The following CLEC16A variants were observed in gnomAD, a reference collection of about 807,000 sequenced individuals.
CLEC16A encodes C-type lectin domain containing 16A, also known as protein CLEC16A.
In CLEC16A, 51 loss-of-function variants were observed where a neutral mutation model predicts 109.5. The ratio of observed to expected loss-of-function variants is 0.47; its 90% CI spans 0.37 to 0.59. The LOEUF (loss-of-function observed/expected upper bound fraction) is 0.59, where lower values mean the gene tolerates loss of function less well. Among genes scored for constraint, CLEC16A ranks in the 20% least tolerant of loss-of-function variants. CLEC16A has a pLI of 0.00. For missense variants in CLEC16A, 1,339 were observed against 1,394.0 expected (o/e 0.96, Z 0.63); for synonymous variants, 673 against 564.2 (o/e 1.19, Z -2.73).
chr16:10,989,431 C>T (rs577648258), intron 10 of CLEC16A, among the ~76,000 whole-genome samples: 7 of 151,970 alleles, frequency 4.6e-5, no homozygotes, highest in African/African-American at 9.7e-5. Flanking sequence ...GATGGGGTTT[C>T]GCCGTGTTAC....
intron 19 of CLEC16A, among the ~76,000 whole-genome samples, chr16:11,109,351 G>C (rs900132265): frequency 1.1e-4 from 16 of 152,056 alleles, no homozygotes; most frequent in Non-Finnish European, 1.9e-4. Context: ...ACGAGGTCTT[G>C]CTATGTTGCC....
chr16:11,016,954 T>G lies in CLEC16A; in HGVS notation c.1304-3239T>G, dbSNP rs1043527934. On this transcript the variant is annotated intron_variant, in intron 11 of 23. Transcript: ENST00000409790. The stretch of plus-strand genomic sequence containing the variant: ...ATCAGATGGGAGGGAAGGGGGATGG[T>G]GAGAGTGAACCTCACATAGGGCCGG... Among the ~76,000 whole-genome samples the G allele has an allele frequency of 8.0e-4, 90 of 112,658 alleles. 2 individuals carry two copies. The highest frequency in any genetic ancestry group is 2.4e-4 in the Non-Finnish European group (14 of 59,284). 73.9% of individuals were successfully genotyped at this position (112,658 alleles called of 152,430 possible).
chr16:11,060,809 TAG>T (rs1159953291), intron 18 of CLEC16A, 91 bp from the exon 19 acceptor site: 1 of 1,276,926 alleles, frequency 7.8e-7, no homozygotes. Flanking sequence ...TCTTTTTTAA[TAG>T]AGAGTCATGG....
intron 10 of CLEC16A, among the ~76,000 whole-genome samples, chr16:10,988,210 G>A (rs1255362892): frequency 2.6e-5 from 4 of 152,192 alleles, no homozygotes; most frequent in African/African-American, 9.6e-5. Flanking sequence ...TTACTTGTAG[G>A]TACTTTTTTT....
chr16:11,162,038 G>A (rs569050532), intron 22 of CLEC16A, among the ~76,000 whole-genome samples: 1 of 152,308 alleles, frequency 6.6e-6, no homozygotes, highest in Admixed American at 6.5e-5. Context: ...CAAACCTGGG[G>A]TTCTGACTCC....
intron 10 of CLEC16A, among the ~76,000 whole-genome samples, chr16:10,987,806 G>C (rs893676927): frequency 1.7e-4 from 26 of 152,194 alleles, no homozygotes; most frequent in African/African-American, 6.3e-4. Flanking sequence ...CTTGTTTTAA[G>C]TTTCTTGGTC....
chr16:11,076,839 T>A (rs1442001244), intron 19 of CLEC16A, among the ~76,000 whole-genome samples: 2 of 151,686 alleles, frequency 1.3e-5, no homozygotes, highest in African/African-American at 2.4e-5. Flanking sequence ...CAATGCACAC[T>A]CTCCAGCCCA....
Position 10,986,220 on chromosome 16 carries a change from CGG to C in CLEC16A, c.1071+3232_1071+3233del, listed in dbSNP as rs555982226. On this transcript the variant is annotated intron_variant, in intron 10 of 23. Transcript: ENST00000409790. ...TCATTTTTTGTATTTTTAGTAGAGACGGGGTTTCACTATGTTAGCCAGGATGG... is the reference window on the plus strand; with the variant it reads ...TCATTTTTTGTATTTTTAGTAGAGACGGTTTCACTATGTTAGCCAGGATGG... Among the ~76,000 whole-genome samples the C allele has an allele frequency of 1.9e-3, 287 of 151,328 alleles. 1 individual carries two copies. Among genetic ancestry groups the C allele is most frequent in the African/African-American group, 6.7e-3 (274 of 41,144 alleles).
At chr16:11,062,090 A>T (rs181796264) in intron 19 of CLEC16A, among the ~76,000 whole-genome samples, 2 of 152,124 alleles carry the variant, frequency 1.3e-5, no homozygotes, top group African/African-American at 4.8e-5. Context: ...GGTCAGAGGA[A>T]TGTGACTCAC....
intron 22 of CLEC16A, among the ~76,000 whole-genome samples, chr16:11,134,182 A>ATTT (rs34036131): frequency 8.1e-6 from 1 of 124,030 alleles, no homozygotes; most frequent in Admixed American, 8.4e-5. Flanking sequence ...CCCTTTTCTG[A>ATTT]TTTTTTTTTT....
chr16:10,983,602 C>T (rs1371322068), intron 10 of CLEC16A, among the ~76,000 whole-genome samples: 1 of 152,144 alleles, frequency 6.6e-6, no homozygotes. Flanking sequence ...TTTGGCGTTC[C>T]ATTTGGTACA....
chr16:10,992,962 G>C (rs1291525011), intron 10 of CLEC16A, among the ~76,000 whole-genome samples: 4 of 152,098 alleles, frequency 2.6e-5, no homozygotes, highest in African/African-American at 9.7e-5. Context: ...GGGTCGGGGG[G>C]CGTGGCCAAA....
chr16:11,106,873 C>T (rs976686248), intron 19 of CLEC16A, among the ~76,000 whole-genome samples: 1 of 152,150 alleles, frequency 6.6e-6, no homozygotes, highest in African/African-American at 2.4e-5. Flanking sequence ...TGGAAGGTGG[C>T]AGAGTTACCA....
chr16:11,164,669 C>T (rs1313800518), intron 22 of CLEC16A, among the ~76,000 whole-genome samples: 1 of 152,236 alleles, frequency 6.6e-6, no homozygotes, highest in South Asian at 2.1e-4. Flanking sequence ...GCCATGTGGT[C>T]GCTATGGCAA....
chr16:11,095,547 C>T (rs1034474687), intron 19 of CLEC16A, among the ~76,000 whole-genome samples: 1 of 152,198 alleles, frequency 6.6e-6, no homozygotes, highest in African/African-American at 2.4e-5. Context: ...CACGATGGCT[C>T]ACGCCTGTAA....
intron 19 of CLEC16A, among the ~76,000 whole-genome samples, chr16:11,061,786 A>G (rs551614218): frequency 6.6e-6 from 1 of 152,202 alleles, no homozygotes; most frequent in African/African-American, 2.4e-5. Context: ...GGCTGATGTC[A>G]CTGGGAAGTC....
At chr16:11,129,076 C>T (rs993120591) in intron 22 of CLEC16A, among the ~76,000 whole-genome samples, 1 of 152,098 alleles carries the variant, frequency 6.6e-6, no homozygotes, top group Non-Finnish European at 1.5e-5. Context: ...CAACCCCAAG[C>T]TCACTCTAGC....
chr16:10,990,046 A>G (rs2043911421), intron 10 of CLEC16A, among the ~76,000 whole-genome samples: 2 of 152,172 alleles, frequency 1.3e-5, no homozygotes, highest in Admixed American at 1.3e-4. Context: ...CAAGGCGCGC[A>G]CATTCTTCTT....
intron 11 of CLEC16A, among the ~76,000 whole-genome samples, chr16:11,019,752 A>G (rs918670969): frequency 2.7e-5 from 4 of 150,650 alleles, no homozygotes; most frequent in African/African-American, 9.8e-5. Context: ...CTGGGTGACA[A>G]GAGCGAGACT....
Sources: allele counts gnomAD v4.1 joint callset (sites outside exome capture counted in the v4.1 genomes callset), GRCh38; gene constraint gnomAD v4.1.1; transcripts MANE v1.5; gene names NCBI Gene and HGNC (gene_info 2026-07-23, HGNC 2026-07-21).